DPP10: variants seen among roughly 807,000 people sequenced by gnomAD.
DPP10 encodes inactive dipeptidyl peptidase 10.
A neutral mutation model predicts 120.9 loss-of-function variants in DPP10; 33 were observed. That is an observed-to-expected ratio of 0.27 (90% CI 0.21 to 0.37). DPP10 has a LOEUF of 0.37. Ranked by LOEUF, DPP10 falls within the 10% of genes least tolerant of loss-of-function variation. The pLI is 1.00. For missense variants in DPP10, 816 were observed against 942.8 expected (o/e 0.87, Z 1.76); for synonymous variants, 337 against 326.1 (o/e 1.03, Z -0.36).
rs1345859823 is a variant in DPP10, at chr2:115,591,126, A to C, written c.441+65154A>C. 5.9e-5 allele frequency among the ~76,000 whole-genome samples: 9 copies of C among 152,272 alleles called. No homozygotes were observed. In the East Asian group the frequency reaches 1.5e-3, roughly 26 times the overall value. On this transcript the variant is annotated intron_variant, in intron 5 of 25. Coordinates refer to ENST00000410059, the MANE Select transcript of DPP10 (RefSeq NM_020868.6). ...TAGGTTGCCTGTTCACTCTGATGGT[A>C]GTTTCTTTTGCTGTGCAAAAGCTCT...
At chr2:115,062,454 T>C (rs1450076564) in intron 1 of DPP10, among the ~76,000 whole-genome samples, 1 of 152,186 alleles carries the variant, frequency 6.6e-6, no homozygotes, top group Non-Finnish European at 1.5e-5. Flanking sequence ...TCCATGGTGA[T>C]TTGCTGTACC....
At chr2:115,338,140 A>T (rs1174112498) in intron 2 of DPP10, among the ~76,000 whole-genome samples, 1 of 152,122 alleles carries the variant, frequency 6.6e-6, no homozygotes, top group East Asian at 1.9e-4. Flanking sequence ...GATCAATATA[A>T]TACAGAATGG....
intron 5 of DPP10, among the ~76,000 whole-genome samples, chr2:115,592,789 A>C (rs2082750320): frequency 1.3e-5 from 2 of 151,862 alleles, no homozygotes; most frequent in Admixed American, 1.3e-4. Flanking sequence ...AAAAGAAAGA[A>C]AGGAAAAAAA....
At chr2:114,834,138 A>G (rs1209099154) in intron 1 of DPP10, 1 of 151,758 alleles carries the variant, frequency 6.6e-6, no homozygotes, top group African/African-American at 2.4e-5. Flanking sequence ...ATGTATATAT[A>G]AGCCATATCT....
intron 1 of DPP10, among the ~76,000 whole-genome samples, chr2:114,822,416 C>G (rs1686174573): frequency 6.6e-6 from 1 of 152,108 alleles, no homozygotes; most frequent in Non-Finnish European, 1.5e-5. Flanking sequence ...ATTTTTTCCT[C>G]TTAGCCTCTC....
At chr2:115,683,554 G>T (rs1476290748) in intron 5 of DPP10, among the ~76,000 whole-genome samples, 2 of 151,866 alleles carry the variant, frequency 1.3e-5, no homozygotes, top group African/African-American at 4.8e-5. Context: ...TACCACTCTG[G>T]TAGGGGATAT....
At chr2:115,382,854 G>T (rs1396320758) in intron 3 of DPP10, among the ~76,000 whole-genome samples, 1 of 152,174 alleles carries the variant, frequency 6.6e-6, no homozygotes, top group Non-Finnish European at 1.5e-5. Context: ...GCTGAGGATG[G>T]ATATTTGTGA....
At chr2:115,059,667 C>T (rs985367754) in intron 1 of DPP10, among the ~76,000 whole-genome samples, 2 of 104,992 alleles carry the variant, frequency 1.9e-5, no homozygotes, top group Non-Finnish European at 3.6e-5. Context: ...ATCTTGGGAA[C>T]ATTAGTGACC....
chr2:114,861,949 A>G (rs1416605067), intron 1 of DPP10, among the ~76,000 whole-genome samples: 1 of 152,218 alleles, frequency 6.6e-6, no homozygotes, highest in Non-Finnish European at 1.5e-5. Context: ...CATCACAAAA[A>G]CAAAACAATG....
chr2:115,603,543 G>A (rs1001619070), intron 5 of DPP10, among the ~76,000 whole-genome samples: 1 of 128,460 alleles, frequency 7.8e-6, no homozygotes, highest in Non-Finnish European at 1.6e-5. Context: ...CCACTACTGT[G>A]TGTTTTCGTT....
chr2:115,511,925 T>C (rs2077254971), intron 4 of DPP10, among the ~76,000 whole-genome samples: 1 of 151,546 alleles, frequency 6.6e-6, no homozygotes. Context: ...CACACTGTGG[T>C]CTCACTATGT....
At chr2:115,812,123 G>A (rs1686711582) in intron 19 of DPP10, among the ~76,000 whole-genome samples, 1 of 152,178 alleles carries the variant, frequency 6.6e-6, no homozygotes, top group South Asian at 2.1e-4. Context: ...CTGAGTCCTA[G>A]TGTTTCAGTT....
intron 1 of DPP10, among the ~76,000 whole-genome samples, chr2:114,909,819 T>C (rs2106635279): frequency 6.6e-6 from 1 of 152,120 alleles, no homozygotes; most frequent in East Asian, 1.9e-4. Flanking sequence ...CAGTCTGACC[T>C]GAATGTGTTT....
At chr2:115,284,485 T>G (rs1015822060) in intron 1 of DPP10, among the ~76,000 whole-genome samples, 1 of 152,050 alleles carries the variant, frequency 6.6e-6, no homozygotes, top group Non-Finnish European at 1.5e-5. Flanking sequence ...CAAGCAATTT[T>G]TCCTGCACTT....
intron 1 of DPP10, among the ~76,000 whole-genome samples, chr2:114,518,391 T>C (rs1033414317): frequency 6.6e-6 from 1 of 152,160 alleles, no homozygotes; most frequent in African/African-American, 2.4e-5. Context: ...TCATTGTTTT[T>C]TTGTTAATTC....
At chr2:114,876,797 T>C (rs754296716) in intron 1 of DPP10, among the ~76,000 whole-genome samples, 3 of 152,064 alleles carry the variant, frequency 2.0e-5, no homozygotes, top group Non-Finnish European at 2.9e-5. Flanking sequence ...CTTGGAACTA[T>C]TGACATTTGG....
chr2:115,208,302 C>T (rs939257178), intron 1 of DPP10, among the ~76,000 whole-genome samples: 5 of 150,374 alleles, frequency 3.3e-5, no homozygotes, highest in South Asian at 2.1e-4. Context: ...TGGGTTTAAG[C>T]GATTCTCCTG....
chr2:115,411,398 C>T (rs530167333), intron 3 of DPP10, among the ~76,000 whole-genome samples: 1 of 118,326 alleles, frequency 8.5e-6, no homozygotes, highest in African/African-American at 2.6e-5. Flanking sequence ...ATGATGGCTG[C>T]TCAAAATTGT....
intron 13 of DPP10, among the ~76,000 whole-genome samples, chr2:115,773,380 C>T (rs1681708042): frequency 6.6e-6 from 1 of 152,068 alleles, no homozygotes; most frequent in Admixed American, 6.6e-5. Flanking sequence ...GATAAAATCT[C>T]TATGAATTGA....
Sources: allele counts gnomAD v4.1 joint callset (sites outside exome capture counted in the v4.1 genomes callset), GRCh38; gene constraint gnomAD v4.1.1; transcripts MANE v1.5; gene names NCBI Gene and HGNC (gene_info 2026-07-23, HGNC 2026-07-21).